The following KDM4B variants were observed in gnomAD, a reference collection of about 807,000 sequenced individuals.
KDM4B encodes the protein lysine demethylase 4B, also known as lysine-specific demethylase 4B.
A neutral mutation model predicts 125.2 loss-of-function variants in KDM4B; 32 were observed. The ratio of observed to expected loss-of-function variants is 0.26; its 90% CI spans 0.19 to 0.34. The LOEUF is 0.34. Among genes scored for constraint, KDM4B ranks in the 10% least tolerant of loss-of-function variants. KDM4B has a pLI of 1.00. For missense variants in KDM4B, 1,190 were observed against 1,577.7 expected, an observed-to-expected ratio of 0.75 and a Z score of 4.16; for synonymous variants, 721 against 677.9, an observed-to-expected ratio of 1.06 and a Z score of -0.99.
rs182341338 is a variant in KDM4B at position 5,096,738 on chromosome 19, C to T, written c.919-13884C>T. Among the ~76,000 whole-genome samples the T allele has an allele frequency of 4.4e-4, 66 of 150,152 alleles. No individual in the cohort carries two copies. The East Asian group carries it at 5.1e-3, about 12-fold the overall frequency. Reference sequence around the variant, plus strand: ...CGCCTGCCTGGTGGAGGAAGTGTCCCGCGGTGCCCCCGGCGGTGTCGGTGG... The same window carrying T: ...CGCCTGCCTGGTGGAGGAAGTGTCCTGCGGTGCCCCCGGCGGTGTCGGTGG... On this transcript the variant is annotated intron_variant, in intron 9 of 22. Transcript: ENST00000159111.
rs1480079011 is a variant in KDM4B, at chr19:5,144,256, C to T, written c.2745C>T (p.Leu915=). 1 of 1,598,298 alleles carries T rather than the reference C, an allele frequency of 6.3e-7. No individual in the cohort carries two copies. The highest frequency in any genetic ancestry group is 8.5e-7 in the Non-Finnish European group (1 of 1,173,304). ...KHKSGGHAVQ[L]LRAVSLGQVV... ...CCTCCGCACCCTCCCAGGTCCAACTCCTGAGGGCCGTGTCCCTAGGCCAGG... is the reference window on the plus strand; with the variant it reads ...CCTCCGCACCCTCCCAGGTCCAACTTCTGAGGGCCGTGTCCCTAGGCCAGG... Residue 915 remains leucine (L), a synonymous_variant, in exon 20 of 23, where the codon CTC becomes CTT. Coordinates refer to ENST00000159111, the MANE Select transcript of KDM4B (RefSeq NM_015015.3).
intron 3 of KDM4B, among the ~76,000 whole-genome samples, chr19:5,033,350 C>T (rs1345480627): frequency 6.6e-6 from 1 of 152,228 alleles, no homozygotes. Context: ...TGGCCGTGAG[C>T]TGACGTCTCA....
chr19:5,149,858 G>A (rs2039915333), intron 21 of KDM4B, among the ~76,000 whole-genome samples: 1 of 152,218 alleles, frequency 6.6e-6, no homozygotes, highest in African/African-American at 2.4e-5. Context: ...GTTTTCAGAG[G>A]GCCACACATA....
In KDM4B at chr19:5,091,491, C is replaced by T. The variant is rs1017341222; in HGVS notation, c.918+8987C>T. Among the ~76,000 whole-genome samples the T allele has an allele frequency of 3.9e-5, 6 of 152,234 alleles. No homozygotes were observed. In the South Asian group the frequency reaches 1.0e-3, roughly 26 times the overall value. On this transcript the variant is annotated intron_variant, in intron 9 of 22. Coordinates refer to ENST00000159111, the MANE Select transcript of KDM4B (RefSeq NM_015015.3). The stretch of plus-strand genomic sequence containing the variant: ...TCCCCAGAGGCGCCATTCCAGGAAA[C>T]GGCCCACTCGGCACCACCCATCTCC...
At chr19:5,136,765 G>A (rs192380440) in intron 15 of KDM4B, among the ~76,000 whole-genome samples, 10 of 152,344 alleles carry the variant, frequency 6.6e-5, no homozygotes, top group African/African-American at 2.4e-4. Flanking sequence ...CCCCAGCAGA[G>A]GCAGAGCCCT....
intron 6 of KDM4B, among the ~76,000 whole-genome samples, chr19:5,056,205 C>T (rs888789720): frequency 2.6e-5 from 4 of 152,118 alleles, no homozygotes; most frequent in African/African-American, 9.7e-5. Flanking sequence ...GGAGGAAGAC[C>T]ACAGGGGCGA....
At chr19:5,060,342 G>GACAGGAGA (rs971727861) in intron 6 of KDM4B, among the ~76,000 whole-genome samples, 2 of 148,698 alleles carry the variant, frequency 1.3e-5, no homozygotes, top group East Asian at 2.0e-4. Flanking sequence ...GGGAGGCTGA[G>GACAGGAGA]ACAGGAGAAT....
At position 5,143,982 on chromosome 19, in the gene KDM4B, C is replaced by T. The variant is rs2039791724; in HGVS notation, c.2566C>T (p.Arg856Trp). Residue 856 changes from arginine (R) to tryptophan (W), a missense_variant, in exon 19 of 23, where the codon CGG (arginine) becomes TGG (tryptophan). This residue lies in a region of KDM4B where 298 missense variants were observed against 439.7 expected (regional missense o/e 0.68). Transcript: ENST00000159111. ...CCATCCCCAGAAATGCGTGTACTGC[C>T]GGAAGCGGATGAAGAAGGTGTCAGG... Reference protein sequence around the residue: ...QRWKLKCVYCRKRMKKVSGAC... With the variant: ...QRWKLKCVYCWKRMKKVSGAC... 6.3e-7 allele frequency: 1 copy of T among 1,585,768 alleles called. No homozygotes were observed.
chr19:5,117,544 G>C (rs952886483), intron 10 of KDM4B, among the ~76,000 whole-genome samples: 6 of 152,172 alleles, frequency 3.9e-5, no homozygotes, highest in South Asian at 4.1e-4. Flanking sequence ...TTGCACCCCA[G>C]CGCCGGTCTG....
At chr19:5,100,870 G>A (rs2038917456) in intron 9 of KDM4B, among the ~76,000 whole-genome samples, 1 of 152,086 alleles carries the variant, frequency 6.6e-6, no homozygotes, top group Non-Finnish European at 1.5e-5. Context: ...CTTTCATGAT[G>A]TAGTATCTTT....
rs368799346 is a variant in KDM4B at position 5,070,387 on chromosome 19, C to T, written c.627-623C>T. Among the ~76,000 whole-genome samples the T allele has an allele frequency of 3.9e-5, 6 of 152,230 alleles. No homozygotes were observed. The East Asian group carries it at 5.8e-4, about 15-fold the overall frequency. On this transcript the variant is annotated intron_variant, in intron 6 of 22. Coordinates refer to ENST00000159111, the MANE Select transcript of KDM4B (RefSeq NM_015015.3). ...GCGGGATGCCACCCCCACTTCGCTTCGTGTGTTTGCACACTTTCATCTTAT... is the reference window on the plus strand; with the variant it reads ...GCGGGATGCCACCCCCACTTCGCTTTGTGTGTTTGCACACTTTCATCTTAT...
chr19:4,972,507 C>T (rs558942617), intron 1 of KDM4B, among the ~76,000 whole-genome samples: 20 of 152,290 alleles, frequency 1.3e-4, no homozygotes, highest in African/African-American at 4.1e-4. Flanking sequence ...CATTCTGTGG[C>T]GGGGCTGTCC....
At position 5,002,433 on chromosome 19, in the gene KDM4B, ACTTTCTCTCCC is replaced by A. The variant is rs1333787675; in HGVS notation, c.-108-13814_-108-13804del. On this transcript the variant is annotated intron_variant, in intron 1 of 22. Transcript: ENST00000159111. ...TCTCCTTTCTCTCTCCTTTCTCTCT[ACTTTCTCTCCC>A]CTTTCTCTCTCCTTTCCTTTCCTTT... 1.1e-3 allele frequency among the ~76,000 whole-genome samples: 134 copies of A among 120,274 alleles called. 2 individuals carry two copies. The highest frequency in any genetic ancestry group is 3.8e-3 in the African/African-American group (115 of 30,148). The allele number at this position is 120,274 out of a possible 152,430, so 78.9% of individuals were successfully genotyped here.
intron 2 of KDM4B, among the ~76,000 whole-genome samples, chr19:5,024,045 CT>C (rs1354106866): frequency 6.6e-6 from 1 of 152,124 alleles, no homozygotes; most frequent in Non-Finnish European, 1.5e-5. Context: ...GCCCCTGCCC[CT>C]GGCCTTCTTA....
chr19:5,077,592 T>C (rs2038157795), intron 8 of KDM4B, 122 bp downstream of exon 8: 6 of 793,112 alleles, frequency 7.6e-6, no homozygotes, highest in Non-Finnish European at 1.0e-5. Flanking sequence ...GAACAGTGAT[T>C]AGCATGCCAG....
rs555361417 is a variant in KDM4B at position 5,058,318 on chromosome 19, G to A, written c.626+10649G>A. On this transcript the variant is annotated intron_variant, in intron 6 of 22. Transcript: ENST00000159111. ...ATTGGGAAGGGCTTTTGGTGTGGCC[G>A]GGCAGCCAGACACTCCACGCGCAAC... Among the ~76,000 whole-genome samples the A allele has an allele frequency of 2.2e-3, 330 of 152,332 alleles. 1 individual carries two copies. Among genetic ancestry groups the A allele is most frequent in the Non-Finnish European group, 4.1e-3 (278 of 68,036 alleles).
intron 9 of KDM4B, among the ~76,000 whole-genome samples, chr19:5,085,322 T>G (rs2038455617): frequency 6.6e-6 from 1 of 152,176 alleles, no homozygotes; most frequent in Admixed American, 6.5e-5. Context: ...ATCTCAGGGC[T>G]GTTGCTGTGT....
chr19:5,031,912 C>T (rs1253361638), intron 2 of KDM4B, among the ~76,000 whole-genome samples: 1 of 152,184 alleles, frequency 6.6e-6, no homozygotes, highest in Non-Finnish European at 1.5e-5. Context: ...CTTTGGGGGT[C>T]ACAGCGTGGG....
chr19:5,124,945 G>T (rs1284773502), intron 11 of KDM4B, among the ~76,000 whole-genome samples: 1 of 151,196 alleles, frequency 6.6e-6, no homozygotes, highest in African/African-American at 2.4e-5. Context: ...TGTCCCCCAG[G>T]TTGGAGGGCA....
Sources: allele counts gnomAD v4.1 joint callset (sites outside exome capture counted in the v4.1 genomes callset), GRCh38; gene constraint gnomAD v4.1.1; regional missense constraint gnomAD v4.1.1; transcripts MANE v1.5; gene names NCBI Gene and HGNC (gene_info 2026-07-23, HGNC 2026-07-21).